The following CECR2 variants were observed in gnomAD, a reference collection of about 807,000 sequenced individuals.
The protein encoded by CECR2 is chromatin remodeling regulator CECR2.
Under a neutral mutation model 154.5 loss-of-function variants are expected in CECR2, and 30 were observed. The ratio of observed to expected loss-of-function variants is 0.19; its 90% CI spans 0.15 to 0.26. The LOEUF (loss-of-function observed/expected upper bound fraction) is 0.26. CECR2 is among the 10% of genes least tolerant of loss of function. CECR2 has a pLI of 1.00. For synonymous variants in CECR2, 725 were observed against 683.7 expected, an observed-to-expected ratio of 1.06 and a Z score of -0.94; for missense variants, 1,743 against 1,829.3, an observed-to-expected ratio of 0.95 and a Z score of 0.86.
At chr22:17,485,240 C>G (rs1205519880) in intron 2 of CECR2, among the ~76,000 whole-genome samples, 1 of 152,106 alleles carries the variant, frequency 6.6e-6, no homozygotes. Flanking sequence ...ATAAATTGCC[C>G]AAGGTTACAC....
chr22:17,477,412 G>A lies in CECR2; in HGVS notation c.127-176G>A, dbSNP rs144042971. 1.4e-4 allele frequency among the ~76,000 whole-genome samples: 22 copies of A among 152,278 alleles called. No individual in the cohort carries two copies. The East Asian group carries it at 3.1e-3, about 21-fold the overall frequency. On this transcript the variant is annotated intron_variant, in intron 1 of 18. Transcript: ENST00000262608. The stretch of plus-strand genomic sequence containing the variant: ...AATAAAACCCTGGGAAAAAGAAAAC[G>A]CGGAATCCGGTTGCTCTTCTCACAG...
At chr22:17,497,287 C>T in intron 2 of CECR2, 116 bp from the exon 3 acceptor site, 9 of 1,014,128 alleles carry the variant, frequency 8.9e-6, no homozygotes, top group Non-Finnish European at 1.3e-5. Context: ...GAGACCCTGT[C>T]TGTATAAAAA....
intron 2 of CECR2, among the ~76,000 whole-genome samples, chr22:17,494,771 G>A (rs1023441679): frequency 2.0e-5 from 3 of 151,830 alleles, no homozygotes; most frequent in Admixed American, 6.6e-5. Flanking sequence ...CTCGGCTCAC[G>A]GCAAACTCTG....
chr22:17,518,366 T>C (rs2056096771), intron 8 of CECR2, among the ~76,000 whole-genome samples: 1 of 152,168 alleles, frequency 6.6e-6, no homozygotes, highest in Non-Finnish European at 1.5e-5. Context: ...CACACAGTGT[T>C]TCAGCCAGCT....
upstream of CECR2, among the ~76,000 whole-genome samples, chr22:17,366,775 G>A (rs538610474): frequency 3.9e-5 from 6 of 152,132 alleles, no homozygotes; most frequent in Non-Finnish European, 7.4e-5. Context: ...AGGTCCAAAT[G>A]GAAAAGCTCT....
intron 1 of CECR2, among the ~76,000 whole-genome samples, chr22:17,414,192 T>C (rs1239889851): frequency 2.0e-5 from 3 of 151,734 alleles, no homozygotes; most frequent in South Asian, 4.2e-4. Context: ...CAGGATGGTC[T>C]CGATCGCCTG....
At position 17,555,572 on chromosome 22, in the gene CECR2, TCTC is replaced by T. The variant is rs1033228332; in HGVS notation, c.*2733_*2735del. 5.3e-5 allele frequency: 8 copies of T among 152,272 alleles called. No individual in the cohort carries two copies. Among genetic ancestry groups the T allele is most frequent in the African/African-American group, 1.9e-4 (8 of 41,460 alleles). 9.4% of individuals were successfully genotyped at this position (152,272 alleles called of 1,614,324 possible). A position where few individuals can be genotyped will look rare whatever the true frequency, so the allele number is the denominator to read the frequency against. ...CACCCATCCCCAAGCAGGATCTTCT[TCTC>T]ACCTTTTCTTCCTCCTCTAGCACTT... On this transcript the variant is annotated 3_prime_UTR_variant, in exon 19 of 19. Coordinates refer to ENST00000262608, the MANE Select transcript of CECR2 (RefSeq NM_001290047.2).
At chr22:17,536,603 G>A (rs1295836774) in intron 9 of CECR2, among the ~76,000 whole-genome samples, 1 of 152,224 alleles carries the variant, frequency 6.6e-6, no homozygotes, top group Non-Finnish European at 1.5e-5. Flanking sequence ...TTGCATGGAT[G>A]CCTTCATAAA....
rs1445894804 is a variant in CECR2, at chr22:17,504,902, A to T, written c.756A>T (p.Glu252Asp). Residue 252 changes from glutamate (E) to aspartate (D), a missense_variant, in exon 7 of 19, where the codon GAA (glutamate) becomes GAT (aspartate). This residue lies in a region of CECR2 where 292 missense variants were observed against 301.2 expected (regional missense o/e 0.97). Transcript: ENST00000262608. ...GGCTCCTGTGCCAGACAGAAGAGGAATGGAGACAGGTCACCGAGAGTTTTC... is the reference window on the plus strand; with the variant it reads ...GGCTCCTGTGCCAGACAGAAGAGGATTGGAGACAGGTCACCGAGAGTTTTC... ...TWWLLCQTEE[E>D]WRQVTESFRE... 1 of 1,613,792 alleles carries T rather than the reference A, an allele frequency of 6.2e-7. No individual in the cohort carries two copies. The highest frequency in any genetic ancestry group is 1.1e-5 in the South Asian group (1 of 91,070).
chr22:17,373,695 A>G (rs1351654948), intron 1 of CECR2, among the ~76,000 whole-genome samples: 1 of 152,218 alleles, frequency 6.6e-6, no homozygotes, highest in Non-Finnish European at 1.5e-5. Context: ...TCAGTAGTTG[A>G]TATAAACAGA....
chr22:17,497,462 A>AAGGGAAGCCCAACCCTCTG lies in CECR2; in HGVS notation c.291_309dup (p.Ser104GlnfsTer25). On this transcript the variant is annotated frameshift_variant, in exon 3 of 19. Coordinates refer to ENST00000262608, the MANE Select transcript of CECR2 (RefSeq NM_001290047.2). LOFTEE classifies it high-confidence loss of function. ...ATCAACTACCGCTGGGAGCTCGAAGAAGGGAAGCCCAACCCTCTGAGGGAA... is the reference window on the plus strand; with the variant it reads ...ATCAACTACCGCTGGGAGCTCGAAGAAGGGAAGCCCAACCCTCTGAGGGAAGCCCAACCCTCTGAGGGAA... 6.2e-7 allele frequency: 1 copy of AAGGGAAGCCCAACCCTCTG among 1,613,962 alleles called. No individual in the cohort carries two copies. Among genetic ancestry groups the AAGGGAAGCCCAACCCTCTG allele is most frequent in the Non-Finnish European group, 8.5e-7 (1 of 1,179,878 alleles).
intron 1 of CECR2, among the ~76,000 whole-genome samples, chr22:17,471,065 A>G (rs1244697815): frequency 6.6e-6 from 1 of 152,220 alleles, no homozygotes; most frequent in South Asian, 2.1e-4. Flanking sequence ...TGTAAGAGTC[A>G]TGCAAGTATT....
chr22:17,365,342 C>G (rs765239737), upstream of CECR2, among the ~76,000 whole-genome samples: 2 of 152,210 alleles, frequency 1.3e-5, no homozygotes, highest in African/African-American at 2.4e-5. Context: ...GCAGAGCACA[C>G]ATTTTTAAAT....
chr22:17,524,328 G>A (rs2056213868), intron 9 of CECR2, 57 bp downstream of exon 9: 2 of 1,552,858 alleles, frequency 1.3e-6, no homozygotes, highest in Non-Finnish European at 8.7e-7. Context: ...CAGCCGTCCT[G>A]TAGCCAGAGC....
At chr22:17,536,662 T>C (rs905008089) in intron 9 of CECR2, among the ~76,000 whole-genome samples, 5 of 152,250 alleles carry the variant, frequency 3.3e-5, no homozygotes, top group African/African-American at 1.2e-4. Flanking sequence ...TGTGTGTGTA[T>C]GGACTGAGAG....
rs759862039 is a variant in CECR2, at chr22:17,556,861, G to A, written c.*4021G>A. ...GAGCCATGTACTGCCCAATCCGGGG[G>A]CTCCTGGGGTGTGGTGTGTCCACCA... On this transcript the variant is annotated 3_prime_UTR_variant, in exon 19 of 19. Coordinates refer to ENST00000262608, the MANE Select transcript of CECR2 (RefSeq NM_001290047.2). 2 of 152,240 alleles carry A rather than the reference G, an allele frequency of 1.3e-5. No individual in the cohort carries two copies. The highest frequency in any genetic ancestry group is 1.5e-5 in the Non-Finnish European group (1 of 68,058). The allele number at this position is 152,240 out of a possible 1,614,324, so 9.4% of individuals were successfully genotyped here. A position where few individuals can be genotyped will look rare whatever the true frequency, so the allele number is the denominator to read the frequency against.
At chr22:17,493,673 G>T (rs1272015009) in intron 2 of CECR2, among the ~76,000 whole-genome samples, 1 of 152,226 alleles carries the variant, frequency 6.6e-6, no homozygotes, top group Non-Finnish European at 1.5e-5. Context: ...AACTGAGTAG[G>T]ACAATAGGCC....
At chr22:17,369,290 T>G (rs1246819664), upstream of CECR2, 1 of 150,060 alleles carries the variant, frequency 6.7e-6, no homozygotes, top group African/African-American at 2.4e-5. Flanking sequence ...GTCCTGCGGA[T>G]CTGGGCCCGG....
At position 17,555,106 on chromosome 22, in the gene CECR2, C is replaced by T. The variant is rs1452048331; in HGVS notation, c.*2266C>T. 1.3e-5 allele frequency: 2 copies of T among 152,268 alleles called. No individual in the cohort carries two copies. Among genetic ancestry groups the T allele is most frequent in the African/African-American group, 4.8e-5 (2 of 41,428 alleles). 9.4% of individuals were successfully genotyped at this position (152,268 alleles called of 1,614,324 possible). A position where few individuals can be genotyped will look rare whatever the true frequency, so the allele number is the denominator to read the frequency against. ...GTAAGCAGCAGTTGGGCCATTGCCC[C>T]CTTTCCTTCTGCCCTCGTGGTCCTT... On this transcript the variant is annotated 3_prime_UTR_variant, in exon 19 of 19. Transcript: ENST00000262608.
Sources: gnomAD v4.1 joint callset for allele counts (sites outside exome capture counted in the v4.1 genomes callset) on GRCh38, gnomAD v4.1.1 for gene constraint, gnomAD v4.1.1 regional missense constraint, MANE v1.5 for transcripts, NCBI Gene and HGNC (gene_info 2026-07-23, HGNC 2026-07-21) for gene names.